KCNH7: variants seen among roughly 807,000 people sequenced by gnomAD.
KCNH7 encodes potassium voltage-gated channel subfamily H member 7.
In KCNH7, 49 loss-of-function variants were observed where a neutral mutation model predicts 120.8. That is an observed-to-expected ratio of 0.41 (90% CI 0.32 to 0.51). The LOEUF is 0.51. Among genes scored for constraint, KCNH7 ranks in the 20% least tolerant of loss-of-function variants. The probability of loss-of-function intolerance (pLI) is 0.38; values close to 1 mark genes in which losing one functional copy is unlikely to be tolerated. For missense variants in KCNH7, 1,097 were observed against 1,446.6 expected, an observed-to-expected ratio of 0.76 and a Z score of 3.92; for synonymous variants, 547 against 516.1, an observed-to-expected ratio of 1.06 and a Z score of -0.81.
intron 2 of KCNH7, among the ~76,000 whole-genome samples, chr2:162,744,775 A>T (rs1226299231): frequency 6.6e-6 from 1 of 151,850 alleles, no homozygotes; most frequent in African/African-American, 2.4e-5. Context: ...GGGTTTCACC[A>T]TGTTAGCCAG....
At chr2:162,437,778 A>T (rs1166323339) in intron 7 of KCNH7, among the ~76,000 whole-genome samples, 1 of 152,132 alleles carries the variant, frequency 6.6e-6, no homozygotes, top group Non-Finnish European at 1.5e-5. Context: ...ATGTTGTGAA[A>T]TGGGTTGAAA....
chr2:162,489,505 A>G (rs1381356676), intron 6 of KCNH7, among the ~76,000 whole-genome samples: 3 of 152,230 alleles, frequency 2.0e-5, no homozygotes, highest in Non-Finnish European at 2.9e-5. Flanking sequence ...ACTAGATAAT[A>G]GAATATATTT....
At chr2:162,503,073 A>C (rs920531483) in intron 6 of KCNH7, among the ~76,000 whole-genome samples, 1 of 152,120 alleles carries the variant, frequency 6.6e-6, no homozygotes, top group Non-Finnish European at 1.5e-5. Flanking sequence ...ACAGAGCTGC[A>C]TATCAGCTGT....
intron 2 of KCNH7, among the ~76,000 whole-genome samples, chr2:162,560,757 C>A (rs145802356): frequency 6.6e-6 from 1 of 152,192 alleles, no homozygotes; most frequent in Non-Finnish European, 1.5e-5. Context: ...AACTGATGTG[C>A]TTTCATGAAC....
At chr2:162,434,722 T>C (rs549592432) in intron 8 of KCNH7, among the ~76,000 whole-genome samples, 118 of 149,392 alleles carry the variant, frequency 7.9e-4, no homozygotes, top group Non-Finnish European at 1.2e-3. Context: ...TATATATATA[T>C]ACACATACAT....
intron 2 of KCNH7, among the ~76,000 whole-genome samples, chr2:162,574,501 A>C (rs1465609636): frequency 1.3e-5 from 2 of 152,094 alleles, no homozygotes; most frequent in East Asian, 1.9e-4. Flanking sequence ...CAGTTGCATA[A>C]GTGCACTTGA....
chr2:162,541,141 A>T (rs1473563066), intron 2 of KCNH7, among the ~76,000 whole-genome samples: 1 of 152,086 alleles, frequency 6.6e-6, no homozygotes, highest in Non-Finnish European at 1.5e-5. Context: ...TGTTTATTAG[A>T]TATCTAAGTG....
chr2:162,806,702 G>A (rs1024032060), intron 2 of KCNH7, among the ~76,000 whole-genome samples: 1 of 152,120 alleles, frequency 6.6e-6, no homozygotes, highest in African/African-American at 2.4e-5. Flanking sequence ...TGATAACTCA[G>A]TATTACATCA....
chr2:162,636,186 C>T (rs1410912586), intron 2 of KCNH7, among the ~76,000 whole-genome samples: 5 of 152,034 alleles, frequency 3.3e-5, no homozygotes, highest in African/African-American at 1.2e-4. Context: ...TTCATGAAGA[C>T]AGCCTAAAAT....
chr2:162,770,765 T>C (rs1683019082), intron 2 of KCNH7, among the ~76,000 whole-genome samples: 1 of 152,158 alleles, frequency 6.6e-6, no homozygotes, highest in South Asian at 2.1e-4. Flanking sequence ...TATTTCTAAA[T>C]ATACTCTTGA....
chr2:162,713,009 T>A (rs560715801), intron 2 of KCNH7, among the ~76,000 whole-genome samples: 1 of 152,116 alleles, frequency 6.6e-6, no homozygotes, highest in Non-Finnish European at 1.5e-5. Flanking sequence ...TGATTCAGGA[T>A]GAATCCCTGG....
At chr2:162,673,628 C>T (rs1685435767) in intron 2 of KCNH7, among the ~76,000 whole-genome samples, 1 of 152,024 alleles carries the variant, frequency 6.6e-6, no homozygotes, top group Non-Finnish European at 1.5e-5. Context: ...TTAGGGGTTG[C>T]TCATTCAGTA....
chr2:162,393,391 G>A (rs1686801462), intron 12 of KCNH7, among the ~76,000 whole-genome samples: 1 of 151,884 alleles, frequency 6.6e-6, no homozygotes, highest in African/African-American at 2.4e-5. Flanking sequence ...CTTAAATGAT[G>A]GGCATAAATG....
intron 2 of KCNH7, among the ~76,000 whole-genome samples, chr2:162,609,357 T>C (rs1222979450): frequency 1.3e-5 from 2 of 152,202 alleles, no homozygotes; most frequent in African/African-American, 4.8e-5. Flanking sequence ...TTGTTGAGAC[T>C]AGAGAATGCA....
At chr2:162,381,231 C>T (rs192419817) in intron 13 of KCNH7, among the ~76,000 whole-genome samples, 1 of 151,982 alleles carries the variant, frequency 6.6e-6, no homozygotes, top group Non-Finnish European at 1.5e-5. Context: ...TTAAAAAAAA[C>T]TTGACAAGTA....
intron 6 of KCNH7, among the ~76,000 whole-genome samples, chr2:162,456,627 C>A (rs1573980336): frequency 1.3e-5 from 2 of 151,900 alleles, no homozygotes; most frequent in African/African-American, 4.8e-5. Context: ...ACTATTATCA[C>A]GAGGGAGTCT....
intron 2 of KCNH7, among the ~76,000 whole-genome samples, chr2:162,820,870 A>G (rs903040005): frequency 1.3e-4 from 20 of 152,172 alleles, no homozygotes; most frequent in Non-Finnish European, 2.5e-4. Flanking sequence ...ACTTAAATAC[A>G]TGAGAACTAA....
chr2:162,531,880 A>T (rs949676003), intron 3 of KCNH7, among the ~76,000 whole-genome samples: 1 of 151,944 alleles, frequency 6.6e-6, no homozygotes, highest in African/African-American at 2.4e-5. Context: ...TTGGTATTAT[A>T]CTTAGGTTTA....
intron 9 of KCNH7, among the ~76,000 whole-genome samples, chr2:162,421,356 A>C (rs553978689): frequency 6.6e-6 from 1 of 152,242 alleles, no homozygotes; most frequent in Non-Finnish European, 1.5e-5. Flanking sequence ...AGGGGCAGAG[A>C]AGTGAATTTT....
Sources: allele counts gnomAD v4.1 joint callset (sites outside exome capture counted in the v4.1 genomes callset), GRCh38; gene constraint gnomAD v4.1.1; transcripts MANE v1.5; gene names NCBI Gene and HGNC (gene_info 2026-07-23, HGNC 2026-07-21).